MCF2L2: variants seen among roughly 807,000 people sequenced by gnomAD.
MCF2L2 encodes MCF.2 cell line derived transforming sequence-like 2.
Under a neutral mutation model 150.2 loss-of-function variants are expected in MCF2L2, and 102 were observed. The ratio of observed to expected loss-of-function variants is 0.68; its 90% CI spans 0.58 to 0.80. The LOEUF is 0.80. Ranked by LOEUF, MCF2L2 falls within the 30% of genes least tolerant of loss-of-function variation. MCF2L2 has a pLI of 0.00. For missense variants in MCF2L2, 1,256 were observed against 1,372.8 expected (o/e 0.91, Z 1.34); for synonymous variants, 465 against 491.3 (o/e 0.95, Z 0.71).
chr3:183,425,952 T>A (rs1716142596), intron 1 of MCF2L2, among the ~76,000 whole-genome samples: 2 of 144,418 alleles, frequency 1.4e-5, no homozygotes, highest in South Asian at 2.1e-4. Flanking sequence ...CGAAACTCCA[T>A]CTCAAAAAAA....
intron 15 of MCF2L2, among the ~76,000 whole-genome samples, chr3:183,243,239 G>T (rs1724108407): frequency 2.6e-5 from 4 of 152,192 alleles, no homozygotes; most frequent in Admixed American, 2.6e-4. Flanking sequence ...GTCTTGAAAT[G>T]TGAGGACATG....
intron 15 of MCF2L2, among the ~76,000 whole-genome samples, chr3:183,243,472 GCT>G (rs1388691229): frequency 6.6e-6 from 1 of 152,120 alleles, no homozygotes; most frequent in Non-Finnish European, 1.5e-5. Flanking sequence ...CACAATTTCA[GCT>G]CTTTCTCTAC....
At chr3:183,223,640 C>T (rs1394638706) in intron 19 of MCF2L2, among the ~76,000 whole-genome samples, 1 of 152,098 alleles carries the variant, frequency 6.6e-6, no homozygotes, top group African/African-American at 2.4e-5. Context: ...GAGGACGGCT[C>T]GGCTAATATT....
At chr3:183,407,723 A>C (rs147098945) in intron 1 of MCF2L2, among the ~76,000 whole-genome samples, 2 of 152,190 alleles carry the variant, frequency 1.3e-5, no homozygotes, top group Admixed American at 1.3e-4. Context: ...TTTCTGCAGA[A>C]TATGTCAAGG....
Position 183,425,065 on chromosome 3 carries a change from T to C in MCF2L2, c.76+2837A>G, listed in dbSNP as rs371147689. ...TGTCGTGTTTGTTTGGCTCGTAGTA[T>C]ACATCAGAGGCAGACACAGAGAGAC... On this transcript the variant is annotated intron_variant, in intron 1 of 29. Transcript: ENST00000328913. Among the ~76,000 whole-genome samples the C allele has an allele frequency of 1.2e-4, 18 of 151,276 alleles. No individual in the cohort carries two copies. The East Asian group carries it at 2.3e-3, about 20-fold the overall frequency.
chr3:183,424,970 G>C (rs1334220754), intron 1 of MCF2L2, among the ~76,000 whole-genome samples: 3 of 152,172 alleles, frequency 2.0e-5, no homozygotes, highest in Non-Finnish European at 2.9e-5. Context: ...GCCAAACAGT[G>C]AAGAGCTTGT....
chr3:183,264,241 T>G (rs188322202), intron 15 of MCF2L2, among the ~76,000 whole-genome samples: 14 of 152,312 alleles, frequency 9.2e-5, no homozygotes, highest in Non-Finnish European at 1.6e-4. Context: ...AGTTCTTGTC[T>G]AAAACAAAGA....
intron 1 of MCF2L2, among the ~76,000 whole-genome samples, chr3:183,400,112 GTTT>G (rs936682838): frequency 2.6e-5 from 4 of 152,106 alleles, no homozygotes; most frequent in East Asian, 3.9e-4. Context: ...TTCAGAAAAT[GTTT>G]TTATTATGAA....
chr3:183,298,662 C>G (rs1577040584), intron 11 of MCF2L2: 1 of 151,930 alleles, frequency 6.6e-6, no homozygotes, highest in African/African-American at 2.4e-5. Context: ...ACACATCATG[C>G]CCAGATCTGC....
At chr3:183,389,623 G>C in intron 2 of MCF2L2, 73 bp downstream of exon 2, 1 of 1,296,760 alleles carries the variant, frequency 7.7e-7, no homozygotes, top group Non-Finnish European at 1.1e-6. Context: ...ATTCCTCAAG[G>C]TTCAAGAGGC....
intron 15 of MCF2L2, among the ~76,000 whole-genome samples, chr3:183,252,532 T>C (rs1724603313): frequency 6.6e-6 from 1 of 152,220 alleles, no homozygotes; most frequent in Admixed American, 6.5e-5. Context: ...TTTTTTCTTT[T>C]AGAGATGGGG....
chr3:183,281,301 C>G (rs1577020001), intron 14 of MCF2L2, among the ~76,000 whole-genome samples: 1 of 151,250 alleles, frequency 6.6e-6, no homozygotes, highest in Non-Finnish European at 1.5e-5. Context: ...ATACTAGCCA[C>G]AGGAATGAGT....
intron 1 of MCF2L2, among the ~76,000 whole-genome samples, chr3:183,402,643 G>C (rs1714832364): frequency 6.6e-6 from 1 of 151,002 alleles, no homozygotes; most frequent in African/African-American, 2.4e-5. Flanking sequence ...TCAAAAAAAA[G>C]GTTTTTAAAA....
In MCF2L2 at chr3:183,270,237, G is replaced by T. The variant is rs902915427; in HGVS notation, c.1862+6635C>A. On this transcript the variant is annotated intron_variant, in intron 15 of 29. Transcript: ENST00000328913. The surrounding 1 kb of genome is among the most constrained non-coding windows in gnomAD (Gnocchi z 4.5). The stretch of plus-strand genomic sequence containing the variant: ...GGGAGAAGAACTACAAAGAAAACTG[G>T]CTTGGGAAGATCAAAGGTACAATGA... 11 of 1,614,020 alleles carry T rather than the reference G, an allele frequency of 6.8e-6. No individual in the cohort carries two copies. The highest frequency in any genetic ancestry group is 9.3e-6 in the Non-Finnish European group (11 of 1,180,010).
At chr3:183,284,833 G>A (rs1727701827) in intron 14 of MCF2L2, among the ~76,000 whole-genome samples, 1 of 152,130 alleles carries the variant, frequency 6.6e-6, no homozygotes, top group Middle Eastern at 3.2e-3. Flanking sequence ...GAAACCATGA[G>A]AATCTTTGTT....
chr3:183,412,783 C>T (rs1044050432), intron 1 of MCF2L2, among the ~76,000 whole-genome samples: 5 of 152,002 alleles, frequency 3.3e-5, no homozygotes, highest in Non-Finnish European at 5.9e-5. Flanking sequence ...GTGGTGAGGA[C>T]GGACATCCTT....
chr3:183,275,222 G>C (rs937757359), intron 15 of MCF2L2, among the ~76,000 whole-genome samples: 2 of 152,044 alleles, frequency 1.3e-5, no homozygotes, highest in Non-Finnish European at 2.9e-5. Flanking sequence ...AGTTCTGAAG[G>C]CAACCATGCC....
intron 13 of MCF2L2, among the ~76,000 whole-genome samples, chr3:183,290,109 G>A (rs80128672): frequency 0.02 from 3,046 of 152,152 alleles, 59 homozygotes; most frequent in East Asian, 0.051. Context: ...AACTCTTAAC[G>A]CTGAAGCACA....
At chr3:183,306,927 G>A (rs1158427659) in intron 10 of MCF2L2, among the ~76,000 whole-genome samples, 6 of 152,118 alleles carry the variant, frequency 3.9e-5, no homozygotes, top group Non-Finnish European at 7.3e-5. Flanking sequence ...GTCTCAGTAC[G>A]GCCCACAGTC....
Sources: gnomAD v4.1 joint callset for allele counts (sites outside exome capture counted in the v4.1 genomes callset) on GRCh38, gnomAD v4.1.1 for gene constraint, Gnocchi (gnomAD v3.1) non-coding constraint, MANE v1.5 for transcripts, NCBI Gene and HGNC (gene_info 2026-07-23, HGNC 2026-07-21) for gene names.